The following PRIM1 variants were observed in gnomAD, a reference collection of about 807,000 sequenced individuals.
PRIM1 encodes the protein DNA primase subunit 1, also known as DNA primase small subunit.
Under a neutral mutation model 60.2 loss-of-function variants are expected in PRIM1, and 38 were observed. That is an observed-to-expected ratio of 0.63 (90% confidence interval 0.49 to 0.83). The LOEUF (loss-of-function observed/expected upper bound fraction) is 0.83. PRIM1 is among the 40% of genes least tolerant of loss of function. PRIM1 has a pLI of 0.00. For synonymous variants in PRIM1, 158 were observed against 160.2 expected (o/e 0.99, Z 0.10); for missense variants, 388 against 506.2 (o/e 0.77, Z 2.24).
intron 5 of PRIM1, among the ~76,000 whole-genome samples, chr12:56,745,434 A>G (rs536315690): frequency 6.6e-6 from 1 of 152,066 alleles, no homozygotes; most frequent in African/African-American, 2.4e-5. Context: ...ACAAAACAAA[A>G]AAAACCAAAA....
chr12:56,744,437 G>A (rs1330637895), intron 5 of PRIM1, among the ~76,000 whole-genome samples: 1 of 151,888 alleles, frequency 6.6e-6, no homozygotes, highest in Non-Finnish European at 1.5e-5. Flanking sequence ...AGGTTGCAGT[G>A]AGCCGAGATC....
In PRIM1 at chr12:56,747,677, G is replaced by T. The variant is rs186946498; in HGVS notation, c.262-645C>A. ...AGGAGTATCATTGAACCCGGGAGGT[G>T]GAAGTTGCTGTGAGTCAAGATCACG... is the stretch of plus-strand genomic sequence containing the variant. On this transcript the variant is annotated intron_variant, in intron 2 of 12. Coordinates refer to ENST00000338193, the MANE Select transcript of PRIM1 (RefSeq NM_000946.3). Among the ~76,000 whole-genome samples the T allele has an allele frequency of 2.7e-3, 418 of 152,274 alleles. 2 individuals are homozygous for T. The highest frequency in any genetic ancestry group is 9.8e-3 in the African/African-American group (407 of 41,554).
At chr12:56,750,677 C>G (rs1296887845) in intron 2 of PRIM1, among the ~76,000 whole-genome samples, 1 of 151,758 alleles carries the variant, frequency 6.6e-6, no homozygotes, top group South Asian at 2.1e-4. Context: ...GCAACCTCCA[C>G]CTCCCGGGTT....
intron 5 of PRIM1, among the ~76,000 whole-genome samples, chr12:56,745,106 CAA>C (rs769500502): frequency 2.3e-4 from 22 of 97,124 alleles, no homozygotes; most frequent in East Asian, 3.0e-4. Flanking sequence ...GACTCCGTCT[CAA>C]AAAAAAAAAA....
chr12:56,751,198 G>C lies in PRIM1; in HGVS notation c.104-3C>G. 1 of 1,517,114 alleles carries C rather than the reference G, an allele frequency of 6.6e-7. No individual in the cohort carries two copies. The highest frequency in any genetic ancestry group is 8.9e-7 in the Non-Finnish European group (1 of 1,126,574). The allele number at this position is 1,517,114 out of a possible 1,614,324, so 94.0% of individuals were successfully genotyped here. A position where few individuals can be genotyped will look rare whatever the true frequency, so the allele number is the denominator to read the frequency against. ...GTGTTGAAAGTAATTCTTTATCACT[G>C]CAAAATAAATGTACATTTTAAAGTT... On this transcript the variant is annotated splice_region_variant and splice_polypyrimidine_tract_variant and intron_variant, in intron 1 of 12. Coordinates refer to ENST00000338193, the MANE Select transcript of PRIM1 (RefSeq NM_000946.3).
chr12:56,734,181 A>T lies in PRIM1; in HGVS notation c.1209T>A (p.Asp403Glu). 6.2e-7 allele frequency: 1 copy of T among 1,608,902 alleles called. No homozygotes were observed. Among genetic ancestry groups the T allele is most frequent in the South Asian group, 1.1e-5 (1 of 90,846 alleles). ...KVFEHFLENL[D>E]KSRKGELLKK... ...TAAGAAGTTCTCCTTTTCGGGATTT[A>T]TCCAGATTTTCAAGAAAATGTTCAA... Residue 403 changes from aspartate (D) to glutamate (E), a missense_variant, in exon 12 of 13, where the codon GAT becomes GAA. Asp to Glu is a conservative substitution (Grantham distance 45, BLOSUM62 2). Transcript: ENST00000338193.
chr12:56,749,510 T>TC (rs1167325902), intron 2 of PRIM1, among the ~76,000 whole-genome samples: 52 of 152,306 alleles, frequency 3.4e-4, no homozygotes, highest in African/African-American at 1.2e-3. Flanking sequence ...CCCTAACCCT[T>TC]CTTAGAAGTT....
intron 9 of PRIM1, among the ~76,000 whole-genome samples, chr12:56,740,463 A>G (rs911574312): frequency 1.9e-4 from 29 of 152,122 alleles, no homozygotes; most frequent in Non-Finnish European, 7.4e-5. Flanking sequence ...AGGATACCAT[A>G]TAGAATTTAA....
At chr12:56,745,972 T>C in intron 5 of PRIM1, 73 bp downstream of exon 5, 1 of 1,424,014 alleles carries the variant, frequency 7.0e-7, no homozygotes, top group Non-Finnish European at 9.4e-7. Flanking sequence ...TCATTTTCTT[T>C]GACAGTAAAC....
At chr12:56,733,376 T>A (rs989608410) in intron 12 of PRIM1, among the ~76,000 whole-genome samples, 2 of 149,148 alleles carry the variant, frequency 1.3e-5, no homozygotes, top group Non-Finnish European at 3.0e-5. Context: ...CTAGGCTTGT[T>A]TTGAACTCCT....
At chr12:56,734,728 T>G (rs1953811247) in intron 11 of PRIM1, among the ~76,000 whole-genome samples, 1 of 149,146 alleles carries the variant, frequency 6.7e-6, no homozygotes, top group South Asian at 2.1e-4. Context: ...TTTTTGCATG[T>G]AATAAAAATT....
At chr12:56,735,283 A>G (rs1340989897) in intron 11 of PRIM1, among the ~76,000 whole-genome samples, 1 of 151,544 alleles carries the variant, frequency 6.6e-6, no homozygotes, top group Non-Finnish European at 1.5e-5. Context: ...TATTTTTAGT[A>G]GAGACGGGGT....
chr12:56,746,053 G>A lies in PRIM1; in HGVS notation c.571C>T (p.Leu191Phe). The A allele has an allele frequency of 6.2e-7, 1 of 1,605,002 alleles. No individual in the cohort carries two copies. The highest frequency in any genetic ancestry group is 8.5e-7 in the Non-Finnish European group (1 of 1,177,534). The change falls in exon 5 of 13, where the codon CTT (leucine) becomes TTT (phenylalanine). Residue 191 changes from leucine to phenylalanine, a missense_variant. Leu to Phe is a conservative substitution (Grantham distance 22). Around this residue, in one of 3 missense-constraint regions of PRIM1, gnomAD observed 211 missense variants for 277.9 expected, o/e 0.76. Coordinates refer to ENST00000338193, the MANE Select transcript of PRIM1 (RefSeq NM_000946.3). ...VRSGIVEYLS[L>F]VKGGQDVKKK... ...AATTAAGAGGATCTTACCTTTACAA[G>A]GCTCAAATACTCAACTATCCCAGAA...
intron 2 of PRIM1, among the ~76,000 whole-genome samples, chr12:56,748,617 ACT>A (rs1953925023): frequency 7.0e-6 from 1 of 142,702 alleles, no homozygotes; most frequent in African/African-American, 2.6e-5. Flanking sequence ...ACAGAGCGAG[ACT>A]CTGTCTCAAA....
chr12:56,731,820 C>T (rs1243959549), intron 12 of PRIM1, 86 bp from the exon 13 acceptor site: 1 of 1,110,910 alleles, frequency 9.0e-7, no homozygotes, highest in Non-Finnish European at 1.3e-6. Flanking sequence ...TTGCCTAATG[C>T]TTCTATTTAA....
Position 56,734,250 on chromosome 12 carries a change from A to G in PRIM1, c.1145-5T>C, listed in dbSNP as rs930852957. On this transcript the variant is annotated splice_polypyrimidine_tract_variant and splice_region_variant and intron_variant, in intron 11 of 12. Coordinates refer to ENST00000338193, the MANE Select transcript of PRIM1 (RefSeq NM_000946.3). The stretch of plus-strand genomic sequence containing the variant: ...CTAGACTGGTCTTCTTATAATCTAA[A>G]TTATGAAGAATGTACATTATAATTA... 6.6e-7 allele frequency: 1 copy of G among 1,508,638 alleles called. No individual in the cohort carries two copies. The highest frequency in any genetic ancestry group is 1.8e-5 in the Admixed American group (1 of 54,796). 93.5% of individuals were successfully genotyped at this position (1,508,638 alleles called of 1,614,324 possible). A position where few individuals can be genotyped will look rare whatever the true frequency, so the allele number is the denominator to read the frequency against.
chr12:56,749,005 G>T (rs1953927892), intron 2 of PRIM1, among the ~76,000 whole-genome samples: 1 of 151,406 alleles, frequency 6.6e-6, no homozygotes. Flanking sequence ...AAAATGAGGG[G>T]GAAGGGTAGC....
At chr12:56,749,359 T>C (rs1012656313) in intron 2 of PRIM1, among the ~76,000 whole-genome samples, 4 of 152,088 alleles carry the variant, frequency 2.6e-5, no homozygotes, top group Non-Finnish European at 5.9e-5. Context: ...TTGTAAACCA[T>C]GTGCATACAT....
At chr12:56,742,937 C>A in intron 7 of PRIM1, 50 bp downstream of exon 7, 2 of 1,330,244 alleles carry the variant, frequency 1.5e-6, no homozygotes, top group South Asian at 1.4e-5. Flanking sequence ...TTTATAATAT[C>A]ACAGATCAAA....
Sources: gnomAD v4.1 joint callset for allele counts (sites outside exome capture counted in the v4.1 genomes callset) on GRCh38, gnomAD v4.1.1 for gene constraint, gnomAD v4.1.1 regional missense constraint, MANE v1.5 for transcripts, NCBI Gene and HGNC (gene_info 2026-07-23, HGNC 2026-07-21) for gene names.